SERGEF: variants seen among roughly 807,000 people sequenced by gnomAD.
The protein encoded by SERGEF is secretion-regulating guanine nucleotide exchange factor.
Under a neutral mutation model 50.0 loss-of-function variants are expected in SERGEF, and 51 were observed. That is an observed-to-expected ratio of 1.02 (90% CI 0.81 to 1.29). The LOEUF is 1.29. SERGEF is among the 50% of genes most tolerant of loss of function. The pLI is 0.00. For synonymous variants in SERGEF, 205 were observed against 212.4 expected, an observed-to-expected ratio of 0.97 and a Z score of 0.30; for missense variants, 521 against 557.0, an observed-to-expected ratio of 0.94 and a Z score of 0.65.
At chr11:17,990,559 T>TA (rs1373177172) in intron 7 of SERGEF, among the ~76,000 whole-genome samples, 1 of 152,240 alleles carries the variant, frequency 6.6e-6, no homozygotes, top group East Asian at 1.9e-4. Context: ...CAACTTCACT[T>TA]ATCTTAGTAG....
At chr11:17,882,831 G>A (rs1851359874) in intron 9 of SERGEF, among the ~76,000 whole-genome samples, 1 of 152,180 alleles carries the variant, frequency 6.6e-6, no homozygotes, top group Non-Finnish European at 1.5e-5. Flanking sequence ...GAAGATGCTG[G>A]GGGCACTGAA....
intron 9 of SERGEF, among the ~76,000 whole-genome samples, chr11:17,878,600 C>T (rs569815983): frequency 2.0e-5 from 3 of 152,268 alleles, no homozygotes; most frequent in Admixed American, 2.0e-4. Context: ...ATAAAGATAA[C>T]AGTTTTTGAA....
chr11:17,824,889 T>C (rs1025679787), intron 10 of SERGEF, among the ~76,000 whole-genome samples: 17 of 152,204 alleles, frequency 1.1e-4, no homozygotes, highest in African/African-American at 4.1e-4. Context: ...GGAGAAACAA[T>C]TCAGTCCATA....
intron 9 of SERGEF, among the ~76,000 whole-genome samples, chr11:17,908,387 C>G (rs1172772828): frequency 6.6e-6 from 1 of 152,154 alleles, no homozygotes; most frequent in Non-Finnish European, 1.5e-5. Flanking sequence ...CCCCCAACCA[C>G]CACCATCATC....
chr11:17,877,239 A>T (rs1050809580), intron 10 of SERGEF, among the ~76,000 whole-genome samples: 6 of 152,248 alleles, frequency 3.9e-5, no homozygotes, highest in African/African-American at 1.4e-4. Context: ...GACACAAATC[A>T]GTCAGTGGTG....
intron 10 of SERGEF, among the ~76,000 whole-genome samples, chr11:17,800,230 C>G (rs1849644060): frequency 6.6e-6 from 1 of 151,974 alleles, no homozygotes; most frequent in Non-Finnish European, 1.5e-5. Context: ...ATGGACAGTT[C>G]CCATAATACT....
chr11:17,910,282 T>A (rs931983283), intron 9 of SERGEF, among the ~76,000 whole-genome samples: 9 of 152,150 alleles, frequency 5.9e-5, no homozygotes, highest in African/African-American at 1.9e-4. Flanking sequence ...AGGGTCTCAC[T>A]GTGCTACCCA....
At chr11:17,820,836 A>G (rs1850067898) in intron 10 of SERGEF, among the ~76,000 whole-genome samples, 1 of 152,170 alleles carries the variant, frequency 6.6e-6, no homozygotes, top group African/African-American at 2.4e-5. Context: ...CACACAGACA[A>G]AAGAGGAGGA....
At chr11:17,962,500 A>T (rs1853027150) in intron 8 of SERGEF, among the ~76,000 whole-genome samples, 1 of 152,038 alleles carries the variant, frequency 6.6e-6, no homozygotes, top group African/African-American at 2.4e-5. Flanking sequence ...TACTATGATT[A>T]AAAAAAATAG....
At chr11:17,918,659 C>A (rs926082736) in intron 9 of SERGEF, 18 of 444,722 alleles carry the variant, frequency 4.0e-5, no homozygotes, top group Non-Finnish European at 6.8e-5. Flanking sequence ...CACATACACA[C>A]ACACTCTCTC....
intron 10 of SERGEF, among the ~76,000 whole-genome samples, chr11:17,808,359 G>A (rs1361880509): frequency 1.3e-5 from 2 of 152,218 alleles, no homozygotes; most frequent in African/African-American, 4.8e-5. Flanking sequence ...TCCAATCATG[G>A]TGGAAGGCAA....
At chr11:17,833,423 C>A (rs1387731714) in intron 10 of SERGEF, among the ~76,000 whole-genome samples, 1 of 152,200 alleles carries the variant, frequency 6.6e-6, no homozygotes, top group East Asian at 1.9e-4. Context: ...GTGGGGTCCT[C>A]ATAGAGCACC....
At chr11:17,945,282 A>C in intron 9 of SERGEF, among the ~76,000 whole-genome samples, 1 of 152,284 alleles carries the variant, frequency 6.6e-6, no homozygotes, top group East Asian at 1.9e-4. Flanking sequence ...ATAATACATC[A>C]GGTATTACAC....
intron 4 of SERGEF, chr11:18,002,082 A>G: frequency 4.4e-6 from 2 of 454,908 alleles, no homozygotes; most frequent in South Asian, 1.6e-5. Context: ...CCACAATCAC[A>G]TTAGCTTACG....
chr11:17,997,559 G>T lies in SERGEF; in HGVS notation c.509-1650C>A, dbSNP rs140915626. 2.1e-3 allele frequency among the ~76,000 whole-genome samples: 322 copies of T among 152,290 alleles called. 1 individual carries two copies. Among genetic ancestry groups the T allele is most frequent in the African/African-American group, 7.3e-3 (304 of 41,552 alleles). The stretch of plus-strand genomic sequence containing the variant: ...CCAAAAGAATTGAAAGCAGGATCTT[G>T]AAGAGATATTTGTACACCCATGTTC... On this transcript the variant is annotated intron_variant, in intron 5 of 10. Transcript: ENST00000265965.
intron 9 of SERGEF, among the ~76,000 whole-genome samples, chr11:17,949,426 C>A (rs1014425715): frequency 4.6e-5 from 7 of 152,006 alleles, no homozygotes; most frequent in Non-Finnish European, 1.0e-4. Context: ...GAACAGCAAC[C>A]CTTGGAATCA....
At chr11:17,955,470 G>C (rs1207736804) in intron 9 of SERGEF, among the ~76,000 whole-genome samples, 2 of 152,222 alleles carry the variant, frequency 1.3e-5, no homozygotes, top group Non-Finnish European at 2.9e-5. Context: ...ATGTCAGAAA[G>C]ATCCAGGAGA....
At chr11:17,950,875 G>A (rs529354819) in intron 9 of SERGEF, among the ~76,000 whole-genome samples, 22 of 152,312 alleles carry the variant, frequency 1.4e-4, no homozygotes, top group African/African-American at 4.3e-4. Context: ...AGCCTGGGGC[G>A]GTTGTACCTC....
At chr11:17,911,851 C>T (rs1282853052) in intron 9 of SERGEF, among the ~76,000 whole-genome samples, 3 of 152,088 alleles carry the variant, frequency 2.0e-5, no homozygotes, top group Admixed American at 6.6e-5. Flanking sequence ...AAAGTCCCCT[C>T]GTACAGCCCT....
Sources: allele counts gnomAD v4.1 joint callset (sites outside exome capture counted in the v4.1 genomes callset), GRCh38; gene constraint gnomAD v4.1.1; transcripts MANE v1.5; gene names NCBI Gene and HGNC (gene_info 2026-07-23, HGNC 2026-07-21).